Variants in PDE1C observed in about 807,000 individuals in gnomAD.
The protein encoded by PDE1C is dual specificity calcium/calmodulin-dependent 3',5'-cyclic nucleotide phosphodiesterase 1C.
A neutral mutation model predicts 93.1 loss-of-function variants in PDE1C; 62 were observed. The ratio of observed to expected loss-of-function variants is 0.67; its 90% confidence interval spans 0.54 to 0.82. The LOEUF (loss-of-function observed/expected upper bound fraction) is 0.82, where lower values mean the gene tolerates loss of function less well. Ranked by LOEUF, PDE1C falls within the 40% of genes least tolerant of loss-of-function variation. The pLI is 0.00. For synonymous variants in PDE1C, 325 were observed against 310.1 expected (o/e 1.05, Z -0.50); for missense variants, 742 against 884.6 (o/e 0.84, Z 2.04).
At chr7:32,196,529 T>C (rs1804635059) in intron 2 of PDE1C, among the ~76,000 whole-genome samples, 1 of 152,178 alleles carries the variant, frequency 6.6e-6, no homozygotes, top group African/African-American at 2.4e-5. Context: ...TCTTCTTCTT[T>C]TTGCCTTCAG....
intron 2 of PDE1C, among the ~76,000 whole-genome samples, chr7:31,898,179 C>G (rs545635597): frequency 6.6e-6 from 1 of 151,938 alleles, no homozygotes; most frequent in Non-Finnish European, 1.5e-5. Context: ...TTCATAGTCT[C>G]CCACAAATTT....
At position 32,174,788 on chromosome 7, in the gene PDE1C, G is replaced by A. The variant is rs373249590; in HGVS notation, c.137-4832C>T. 1.7e-4 allele frequency among the ~76,000 whole-genome samples: 26 copies of A among 152,314 alleles called. No homozygotes were observed. In the South Asian group the frequency reaches 4.4e-3, roughly 26 times the overall value. ...TGTATTTCAGAAAGGAGACTGGTGT[G>A]CTGTGGAGTAGTGACTTATGAGGAA... On this transcript the variant is annotated intron_variant, in intron 2 of 18. Coordinates refer to the PDE1C transcript ENST00000396193.
intron 1 of PDE1C, among the ~76,000 whole-genome samples, chr7:32,397,845 T>A (rs1784863595): frequency 6.6e-6 from 1 of 150,666 alleles, no homozygotes; most frequent in South Asian, 2.1e-4. Context: ...AAACCTCATC[T>A]CTACTAAAGA....
At chr7:32,157,186 C>A (rs1444047177) in intron 3 of PDE1C, among the ~76,000 whole-genome samples, 1 of 152,188 alleles carries the variant, frequency 6.6e-6, no homozygotes, top group African/African-American at 2.4e-5. Context: ...AAGAGACTAT[C>A]TTTTTGTACT....
Position 32,085,179 on chromosome 7 carries a change from G to C in PDE1C, c.308+84606C>G, listed in dbSNP as rs549296243. 8.1e-3 allele frequency among the ~76,000 whole-genome samples: 1,231 copies of C among 151,460 alleles called. 14 individuals are homozygous for C. The highest frequency in any genetic ancestry group is 0.028 in the African/African-American group (1,156 of 41,134). On this transcript the variant is annotated intron_variant, in intron 3 of 18. Coordinates refer to the PDE1C transcript ENST00000396193. ...AAAATGATAAAGGAGATATCACCAC[G>C]GATCCCACAGAAATACAAACTACCA... is the stretch of plus-strand genomic sequence containing the variant.
chr7:31,659,267 A>C, the PDE1C span, among the ~76,000 whole-genome samples: 2 of 152,244 alleles, frequency 1.3e-5, no homozygotes, highest in East Asian at 3.8e-4. Context: ...TATGAATAAA[A>C]TAAATAATTT....
the PDE1C span, among the ~76,000 whole-genome samples, chr7:31,647,443 C>T: frequency 1.3e-5 from 2 of 151,814 alleles, no homozygotes; most frequent in South Asian, 4.2e-4. Flanking sequence ...GGGTGGATCA[C>T]CTGAGGTTAG....
At chr7:31,953,713 G>C (rs1807728218) in intron 2 of PDE1C, among the ~76,000 whole-genome samples, 1 of 152,074 alleles carries the variant, frequency 6.6e-6, no homozygotes, top group African/African-American at 2.4e-5. Context: ...CCATCAAAGA[G>C]GCTCTTGGCA....
At chr7:31,824,347 A>C (rs1393112753) in intron 13 of PDE1C, among the ~76,000 whole-genome samples, 1 of 152,104 alleles carries the variant, frequency 6.6e-6, no homozygotes, top group Non-Finnish European at 1.5e-5. Flanking sequence ...AGATGGGGGA[A>C]GTGAGACAAT....
At chr7:31,988,995 C>CAAAAAAAAA (rs36081234) in intron 2 of PDE1C, among the ~76,000 whole-genome samples, 4 of 34,166 alleles carry the variant, frequency 1.2e-4, no homozygotes, top group Admixed American at 4.0e-4. Flanking sequence ...AACTTCTTCT[C>CAAAAAAAAA]AAAAAAAAAA....
At chr7:32,163,557 A>C (rs543528593) in intron 3 of PDE1C, among the ~76,000 whole-genome samples, 1 of 152,276 alleles carries the variant, frequency 6.6e-6, no homozygotes, top group African/African-American at 2.4e-5. Flanking sequence ...CCAAAGCCCA[A>C]ATAAGTCCAT....
chr7:31,804,485 A>G (rs776146205), intron 16 of PDE1C, among the ~76,000 whole-genome samples: 49 of 151,740 alleles, frequency 3.2e-4, no homozygotes, highest in Non-Finnish European at 1.0e-4. Context: ...GATATTTTCT[A>G]AGACTCCCAG....
chr7:32,362,316 G>A (rs1400053925), intron 1 of PDE1C, among the ~76,000 whole-genome samples: 1 of 151,992 alleles, frequency 6.6e-6, no homozygotes, highest in Non-Finnish European at 1.5e-5. Flanking sequence ...TCTTCAGGGG[G>A]TGTCCTAGGG....
At chr7:31,858,235 A>G (rs909695544) in intron 7 of PDE1C, among the ~76,000 whole-genome samples, 1 of 152,094 alleles carries the variant, frequency 6.6e-6, no homozygotes, top group African/African-American at 2.4e-5. Context: ...TGGCCCCTTT[A>G]TGGTTGGGAG....
the PDE1C span, chr7:31,653,021 G>GCAC: frequency 7.3e-7 from 1 of 1,370,370 alleles, no homozygotes; most frequent in Non-Finnish European, 9.6e-7. Flanking sequence ...GAATAACTGA[G>GCAC]CACCTAGTAT....
intron 2 of PDE1C, among the ~76,000 whole-genome samples, chr7:32,020,474 C>A (rs1023872970): frequency 6.6e-6 from 1 of 151,848 alleles, no homozygotes; most frequent in Admixed American, 6.6e-5. Flanking sequence ...GCACACAAAG[C>A]GACACAAGGA....
Position 31,824,935 on chromosome 7 carries a change from G to A in PDE1C, c.1338C>T (p.Thr446=), listed in dbSNP as rs59159704. ...EPTFTVLTDM[T]EKIVSPLIDE... ...CGATTAATGGACTCACAATCTTCTCGGTCATGTCCGTAAGCACAGTGAAGG... is the reference window on the plus strand; with the variant it reads ...CGATTAATGGACTCACAATCTTCTCAGTCATGTCCGTAAGCACAGTGAAGG... The change falls in exon 13 of 18, where the codon ACC becomes ACT. Residue 446 remains threonine, a synonymous_variant. Transcript: ENST00000396191. 2.6e-4 allele frequency: 422 copies of A among 1,613,248 alleles called. 1 individual carries two copies. The South Asian group carries it at 4.1e-3, about 16-fold the overall frequency.
intron 3 of PDE1C, among the ~76,000 whole-genome samples, chr7:32,128,906 AATATATATATATATATATATATATAT>A (rs763801947): frequency 0.029 from 1,624 of 56,034 alleles, 144 homozygotes; most frequent in African/African-American, 0.1. Flanking sequence ...AAGTATAACA[AATATATATATATATATATATATATAT>A]ATATATATAT....
At chr7:31,846,503 T>A (rs887728047) in intron 9 of PDE1C, among the ~76,000 whole-genome samples, 25 of 152,020 alleles carry the variant, frequency 1.6e-4, no homozygotes, top group African/African-American at 5.8e-4. Context: ...AGACTTAAAG[T>A]AAGACCTAAA....
Sources: allele counts gnomAD v4.1 joint callset (sites outside exome capture counted in the v4.1 genomes callset), GRCh38; gene constraint gnomAD v4.1.1; transcripts MANE v1.5; gene names NCBI Gene and HGNC (gene_info 2026-07-23, HGNC 2026-07-21).